Variants in ATP8B4 observed in about 807,000 individuals in gnomAD.
The protein encoded by ATP8B4 is probable phospholipid-transporting ATPase IM.
Under a neutral mutation model 145.6 loss-of-function variants are expected in ATP8B4, and 133 were observed. That is an observed-to-expected ratio of 0.91 (90% confidence interval 0.79 to 1.05). The LOEUF is 1.05. Among genes scored for constraint, ATP8B4 ranks in the 50% least tolerant of loss-of-function variants. ATP8B4 has a pLI of 0.00. For synonymous variants in ATP8B4, 507 were observed against 492.9 expected, an observed-to-expected ratio of 1.03 and a Z score of -0.38; for missense variants, 1,458 against 1,425.2, an observed-to-expected ratio of 1.02 and a Z score of -0.37.
At chr15:49,968,967 A>C (rs1204150857) in intron 13 of ATP8B4, among the ~76,000 whole-genome samples, 1 of 152,244 alleles carries the variant, frequency 6.6e-6, no homozygotes, top group African/African-American at 2.4e-5. Context: ...AGGGTTAAGA[A>C]ATTCACTCAA....
intron 6 of ATP8B4, chr15:50,018,762 G>C (rs1353190498): frequency 2.5e-6 from 1 of 402,890 alleles, no homozygotes; most frequent in Non-Finnish European, 4.5e-6. Context: ...TATTATTCTG[G>C]TCCCTCTAGG....
At chr15:49,939,990 G>A (rs2042037724) in intron 14 of ATP8B4, among the ~76,000 whole-genome samples, 1 of 152,148 alleles carries the variant, frequency 6.6e-6, no homozygotes, top group African/African-American at 2.4e-5. Flanking sequence ...GCAGTCTGGA[G>A]ATTTCTCAAA....
intron 3 of ATP8B4, among the ~76,000 whole-genome samples, chr15:50,057,891 A>G (rs1293892779): frequency 1.3e-5 from 2 of 152,072 alleles, no homozygotes; most frequent in Non-Finnish European, 2.9e-5. Context: ...TAATCACACT[A>G]ATTTTTTTTT....
intron 1 of ATP8B4, among the ~76,000 whole-genome samples, chr15:50,172,228 A>G (rs1279316772): frequency 2.6e-5 from 4 of 152,162 alleles, no homozygotes; most frequent in Non-Finnish European, 4.4e-5. Context: ...ATCTCCGCTC[A>G]CTGCAACCTC....
At chr15:49,931,088 G>C (rs764337686) in intron 16 of ATP8B4, 31 bp downstream of exon 16, 10 of 1,574,706 alleles carry the variant, frequency 6.4e-6, no homozygotes, top group Non-Finnish European at 7.8e-6. Context: ...AGTATGAAAA[G>C]ATCAAAAATA....
intron 6 of ATP8B4, among the ~76,000 whole-genome samples, chr15:50,033,374 C>A (rs933799668): frequency 2.6e-5 from 4 of 152,204 alleles, no homozygotes; most frequent in African/African-American, 7.2e-5. Flanking sequence ...TCAGACTGTT[C>A]TAATGCAAAA....
chr15:50,172,723 G>T (rs554345904), intron 1 of ATP8B4, among the ~76,000 whole-genome samples: 2 of 150,954 alleles, frequency 1.3e-5, no homozygotes, highest in Non-Finnish European at 3.0e-5. Flanking sequence ...GCTGCCCATC[G>T]TCTGAGATGT....
rs2034418433 is a variant in ATP8B4 at position 49,876,343 on chromosome 15, T to C, written c.2962A>G (p.Ile988Val). ...ACTGCAAAGGACTGGTAGTCAGCAA[T>C]ATGTTGCCCATCTTCTCCAGCCACG... ...YNVAGEDGQH[I>V]ADYQSFAVTM... Residue 988 changes from isoleucine (I) to valine (V), a missense_variant, in exon 25 of 28, where the codon ATT (isoleucine) becomes GTT (valine). Transcript: ENST00000284509. The C allele has an allele frequency of 3.1e-6, 5 of 1,614,092 alleles. No individual in the cohort carries two copies. The highest frequency in any genetic ancestry group is 4.2e-6 in the Non-Finnish European group (5 of 1,179,978).
At chr15:50,031,157 T>A (rs7165755) in intron 6 of ATP8B4, among the ~76,000 whole-genome samples, 3 of 152,014 alleles carry the variant, frequency 2.0e-5, no homozygotes, top group Admixed American at 6.5e-5. Flanking sequence ...GACCACTCTT[T>A]GTAGCTTGCT....
intron 3 of ATP8B4, among the ~76,000 whole-genome samples, chr15:50,058,341 A>G (rs2052755200): frequency 2.0e-5 from 3 of 152,174 alleles, no homozygotes; most frequent in Non-Finnish European, 4.4e-5. Context: ...ACAACTTTGG[A>G]CAACTTAGTG....
At chr15:49,965,353 G>T (rs1194028179) in intron 13 of ATP8B4, among the ~76,000 whole-genome samples, 6 of 152,208 alleles carry the variant, frequency 3.9e-5, no homozygotes, top group African/African-American at 1.4e-4. Context: ...CAAAGGAAAA[G>T]TTTCCCCTTT....
At chr15:50,131,176 CATGGGGATT>C (rs1393340633) in intron 1 of ATP8B4, among the ~76,000 whole-genome samples, 1 of 152,112 alleles carries the variant, frequency 6.6e-6, no homozygotes, top group African/African-American at 2.4e-5. Context: ...CTCCTTGACA[CATGGGGATT>C]ATGGGGATTA....
intron 1 of ATP8B4, among the ~76,000 whole-genome samples, chr15:50,165,758 C>T (rs1234037451): frequency 4.2e-5 from 6 of 141,264 alleles, no homozygotes; most frequent in African/African-American, 1.5e-4. Flanking sequence ...TTAAAATTAT[C>T]AAAATTGAAA....
In ATP8B4 at chr15:50,171,684, A is replaced by G. The variant is rs142454736; in HGVS notation, c.-43+10577T>C. ...GAACAAACCAAATCCAAACCCCAGCAGAAAAAATGAAATAACCAAGATCAG... is the reference window on the plus strand; with the variant it reads ...GAACAAACCAAATCCAAACCCCAGCGGAAAAAATGAAATAACCAAGATCAG... On this transcript the variant is annotated intron_variant, in intron 1 of 3. Transcript: ENST00000558829. 2.0e-4 allele frequency among the ~76,000 whole-genome samples: 30 copies of G among 152,340 alleles called. No individual in the cohort carries two copies. In the East Asian group the frequency reaches 5.8e-3, roughly 29 times the overall value.
rs1457471801 is a variant in ATP8B4 at position 50,160,804 on chromosome 15, T to C, written c.-43+21457A>G. Among the ~76,000 whole-genome samples, 5 of 152,144 alleles carry C rather than the reference T, an allele frequency of 3.3e-5. 1 individual carries two copies. The highest frequency in any genetic ancestry group is 4.4e-5 in the Non-Finnish European group (3 of 67,958). On this transcript the variant is annotated intron_variant, in intron 1 of 3. Transcript: ENST00000558829. Reference sequence around the variant, plus strand: ...TTTGTGGCTTAAGATATGGTTCATTTTGAGAATGATCCATGTGCTAAGGAG... The same window carrying C: ...TTTGTGGCTTAAGATATGGTTCATTCTGAGAATGATCCATGTGCTAAGGAG...
chr15:49,898,478 A>T (rs952092996), intron 21 of ATP8B4, among the ~76,000 whole-genome samples: 1 of 152,238 alleles, frequency 6.6e-6, no homozygotes, highest in Non-Finnish European at 1.5e-5. Context: ...ATTTTAAAAT[A>T]AAAATAAACA....
chr15:50,091,070 C>T (rs2055580287), intron 2 of ATP8B4, among the ~76,000 whole-genome samples: 1 of 152,108 alleles, frequency 6.6e-6, no homozygotes, highest in African/African-American at 2.4e-5. Flanking sequence ...ACCTCACATG[C>T]TTTAAGATTT....
intron 2 of ATP8B4, among the ~76,000 whole-genome samples, chr15:50,104,887 A>ACACACACACACACACACACACACACC (rs753542910): frequency 6.6e-6 from 1 of 151,396 alleles, no homozygotes; most frequent in Non-Finnish European, 1.5e-5. Context: ...ACACACACAC[A>ACACACACACACACACACACACACACC]CCCATATATA....
chr15:50,134,497 A>T (rs1436744137), intron 1 of ATP8B4, among the ~76,000 whole-genome samples: 1 of 152,210 alleles, frequency 6.6e-6, no homozygotes, highest in Admixed American at 6.5e-5. Flanking sequence ...AGGAACAAAG[A>T]CAGAGAAGTC....
Sources: gnomAD v4.1 joint callset for allele counts (sites outside exome capture counted in the v4.1 genomes callset) on GRCh38, gnomAD v4.1.1 for gene constraint, MANE v1.5 for transcripts, NCBI Gene and HGNC (gene_info 2026-07-23, HGNC 2026-07-21) for gene names.